Variants in DHRS3 observed in about 807,000 individuals in gnomAD.
DHRS3 encodes the protein short-chain dehydrogenase/reductase 3.
Under a neutral mutation model 27.2 loss-of-function variants are expected in DHRS3, and 14 were observed. The ratio of observed to expected loss-of-function variants is 0.52; its 90% CI spans 0.34 to 0.81. DHRS3 has a LOEUF of 0.81. Ranked by LOEUF, DHRS3 falls within the 30% of genes least tolerant of loss-of-function variation. The probability of loss-of-function intolerance (pLI) is 0.01; values close to 1 mark genes in which losing one functional copy is unlikely to be tolerated. For synonymous variants in DHRS3, 165 were observed against 175.9 expected (o/e 0.94, Z 0.49); for missense variants, 322 against 406.2 (o/e 0.79, Z 1.78).
At chr1:12,590,280 C>T (rs1646734616) in intron 1 of DHRS3, among the ~76,000 whole-genome samples, 1 of 152,132 alleles carries the variant, frequency 6.6e-6, no homozygotes, top group Admixed American at 6.5e-5. Flanking sequence ...CCCAGTCACC[C>T]AGAGTGGTGA....
rs76570349 is a variant in DHRS3 at position 12,610,903 on chromosome 1, G to A, written c.195+6251C>T. On this transcript the variant is annotated intron_variant, in intron 1 of 5. Coordinates refer to ENST00000616661, the MANE Select transcript of DHRS3 (RefSeq NM_004753.7). Reference sequence around the variant, plus strand: ...CTTTTGTCCAAGGATAAGGGAGAACGTGTAGGGTGTGGGACCCATCCCGCA... The same window carrying A: ...CTTTTGTCCAAGGATAAGGGAGAACATGTAGGGTGTGGGACCCATCCCGCA... Among the ~76,000 whole-genome samples, 536 of 152,314 alleles carry A rather than the reference G, an allele frequency of 3.5e-3. 4 individuals are homozygous for A. The highest frequency in any genetic ancestry group is 0.011 in the African/African-American group (467 of 41,568).
At chr1:12,595,055 C>A (rs1252360203) in intron 1 of DHRS3, among the ~76,000 whole-genome samples, 1 of 152,182 alleles carries the variant, frequency 6.6e-6, no homozygotes, top group Non-Finnish European at 1.5e-5. Context: ...ATCCCAGGTC[C>A]CTTCAGCTTC....
intron 1 of DHRS3, among the ~76,000 whole-genome samples, chr1:12,599,597 A>C (rs573510487): frequency 1.2e-3 from 186 of 151,326 alleles, no homozygotes; most frequent in Non-Finnish European, 2.4e-3. Flanking sequence ...ATCTCTCTCC[A>C]CTCCCTGCTC....
chr1:12,568,208 G>C lies in DHRS3; in HGVS notation c.*132C>G. 1.2e-6 allele frequency: 1 copy of C among 867,944 alleles called. No homozygotes were observed. Among genetic ancestry groups the C allele is most frequent in the Non-Finnish European group, 1.9e-6 (1 of 530,574 alleles). The allele number at this position is 867,944 out of a possible 1,614,324, so 53.8% of individuals were successfully genotyped here. A position where few individuals can be genotyped will look rare whatever the true frequency, so the allele number is the denominator to read the frequency against. On this transcript the variant is annotated 3_prime_UTR_variant, in exon 6 of 6. Coordinates refer to ENST00000616661, the MANE Select transcript of DHRS3 (RefSeq NM_004753.7). ...CCTGGGACTGGCCCAGGGGCAGCCG[G>C]ATTCTTCGCTGGGGACAGGAGCTGT...
intron 2 of DHRS3, chr1:12,580,266 C>T (rs571649566): frequency 1.5e-4 from 74 of 505,736 alleles, no homozygotes; most frequent in African/African-American, 1.0e-3. Flanking sequence ...ACATTTGCCC[C>T]GCCACAGTCC....
In DHRS3 at chr1:12,593,592, G is replaced by A. The variant is rs951780019; in HGVS notation, c.196-12926C>T. On this transcript the variant is annotated intron_variant, in intron 1 of 5. Transcript: ENST00000616661. This position sits in a 1 kb window ranked among gnomAD's most constrained non-coding sequence, Gnocchi z 4.6. ...ACCCCACAAACACCAGCTCTGATTT[G>A]ATTTACAAATCTACCCTTCTTTGAT... 1.3e-5 allele frequency among the ~76,000 whole-genome samples: 2 copies of A among 152,078 alleles called. No individual in the cohort carries two copies. The highest frequency in any genetic ancestry group is 2.9e-5 in the Non-Finnish European group (2 of 68,012).
At chr1:12,570,253 C>T (rs186817679) in intron 5 of DHRS3, among the ~76,000 whole-genome samples, 57 of 152,288 alleles carry the variant, frequency 3.7e-4, no homozygotes, top group African/African-American at 1.3e-3. Flanking sequence ...CTCGTACAAC[C>T]GGAGTTCCGA....
chr1:12,584,697 G>A (rs976638565), intron 1 of DHRS3, among the ~76,000 whole-genome samples: 1 of 152,190 alleles, frequency 6.6e-6, no homozygotes, highest in East Asian at 1.9e-4. Flanking sequence ...AAGTCTACCT[G>A]GGCGCCCCAG....
rs188699954 is a variant in DHRS3, at chr1:12,586,150, C to T, written c.196-5484G>A. On this transcript the variant is annotated intron_variant, in intron 1 of 5. Transcript: ENST00000616661. This position sits in a 1 kb window ranked among gnomAD's most constrained non-coding sequence, Gnocchi z 5.0. The stretch of plus-strand genomic sequence containing the variant: ...TGTCCTGCCCTTGCCCAGAGCTGCT[C>T]TCAAGGCGGCTATAGCCAGACAGAT... Among the ~76,000 whole-genome samples the T allele has an allele frequency of 6.6e-6, 1 of 152,326 alleles. No homozygotes were observed. Among genetic ancestry groups the T allele is most frequent in the Admixed American group, 6.5e-5 (1 of 15,302 alleles).
chr1:12,585,012 T>C (rs1265653197), intron 1 of DHRS3, among the ~76,000 whole-genome samples: 1 of 150,436 alleles, frequency 6.6e-6, no homozygotes, highest in Non-Finnish European at 1.5e-5. Context: ...TCTGTGTGCA[T>C]CTCTGTGTGT....
rs1218123406 is a variant in DHRS3 at position 12,618,188 on chromosome 1, G to A, written c.-840C>T. On this transcript the variant is annotated 5_prime_UTR_variant, in exon 1 of 6. Transcript: ENST00000616661. This position sits in a 1 kb window ranked among gnomAD's most constrained non-coding sequence, Gnocchi z 4.2. The stretch of plus-strand genomic sequence containing the variant: ...GTCCTTTCCAACTTGGAGAGGGTCC[G>A]GGTGTGGAGCGCGCGTGGATCGGAC... Among the ~76,000 whole-genome samples the A allele has an allele frequency of 6.6e-6, 1 of 152,202 alleles. No individual in the cohort carries two copies. The highest frequency in any genetic ancestry group is 2.4e-5 in the African/African-American group (1 of 41,444).
chr1:12,607,481 A>G (rs1646879278), intron 1 of DHRS3, among the ~76,000 whole-genome samples: 1 of 152,130 alleles, frequency 6.6e-6, no homozygotes, highest in Non-Finnish European at 1.5e-5. Flanking sequence ...AGTTCCTTCT[A>G]AGTTCATTCT....
chr1:12,583,323 TCATCCATCCATCCATC>T (rs533930418), intron 1 of DHRS3, among the ~76,000 whole-genome samples: 1 of 126,506 alleles, frequency 7.9e-6, no homozygotes, highest in Admixed American at 7.7e-5. Context: ...CCTACTCCAT[TCATCCATCCATCCATC>T]CATCCATCCA....
intron 1 of DHRS3, among the ~76,000 whole-genome samples, chr1:12,614,059 C>G (rs1007775657): frequency 6.6e-6 from 1 of 152,196 alleles, no homozygotes; most frequent in Admixed American, 6.5e-5. Flanking sequence ...GCATGAGCCA[C>G]TGCTCCCAGC....
In DHRS3 at chr1:12,586,434, G is replaced by A. The variant is rs1461153460; in HGVS notation, c.196-5768C>T. ...CACCCAGCCAGCCTTCTCCTGCTTC[G>A]TCTCCTCCAATGTCCACAACAGCCC... On this transcript the variant is annotated intron_variant, in intron 1 of 5. Coordinates refer to ENST00000616661, the MANE Select transcript of DHRS3 (RefSeq NM_004753.7). This position sits in a 1 kb window ranked among gnomAD's most constrained non-coding sequence, Gnocchi z 5.0. 3.3e-5 allele frequency among the ~76,000 whole-genome samples: 5 copies of A among 152,100 alleles called. No homozygotes were observed. Among genetic ancestry groups the A allele is most frequent in the Admixed American group, 2.6e-4 (4 of 15,284 alleles).
intron 1 of DHRS3, among the ~76,000 whole-genome samples, chr1:12,589,238 G>A (rs1446810928): frequency 1.3e-5 from 2 of 152,216 alleles, no homozygotes; most frequent in African/African-American, 4.8e-5. Flanking sequence ...ATTTCCAAAA[G>A]GAGAGACCCT....
chr1:12,587,141 C>CTTT lies in DHRS3; in HGVS notation c.196-6478_196-6476dup, dbSNP rs564825355. ...TGAATAAGATAATCTCAACTCTAAACTTTTTTTTTTTTTTTTTTTGAGACA... is the reference window on the plus strand; with the variant it reads ...TGAATAAGATAATCTCAACTCTAAACTTTTTTTTTTTTTTTTTTTTTTGAGACA... On this transcript the variant is annotated intron_variant, in intron 1 of 5. Coordinates refer to ENST00000616661, the MANE Select transcript of DHRS3 (RefSeq NM_004753.7). Among the ~76,000 whole-genome samples the CTTT allele has an allele frequency of 5.2e-4, 69 of 132,292 alleles. 2 individuals carry two copies. Among genetic ancestry groups the CTTT allele is most frequent in the African/African-American group, 6.1e-4 (21 of 34,534 alleles). 86.8% of individuals were successfully genotyped at this position (132,292 alleles called of 152,430 possible). A position where few individuals can be genotyped will look rare whatever the true frequency, so the allele number is the denominator to read the frequency against.
rs933580555 is a variant in DHRS3 at position 12,593,817 on chromosome 1, A to T, written c.196-13151T>A. On this transcript the variant is annotated intron_variant, in intron 1 of 5. Transcript: ENST00000616661. The surrounding 1 kb of genome is among the most constrained non-coding windows in gnomAD (Gnocchi z 4.6). ...GGACCACTCAGAAAACTCTCCAGGG[A>T]AACGATCACAAAAGCTGACTCTGGG... is the stretch of plus-strand genomic sequence containing the variant. 1.3e-5 allele frequency among the ~76,000 whole-genome samples: 2 copies of T among 152,162 alleles called. No homozygotes were observed. The highest frequency in any genetic ancestry group is 4.8e-5 in the African/African-American group (2 of 41,430).
chr1:12,606,635 A>G (rs1237773709), intron 1 of DHRS3, among the ~76,000 whole-genome samples: 2 of 151,572 alleles, frequency 1.3e-5, no homozygotes, highest in East Asian at 3.9e-4. Context: ...GATTACAGGC[A>G]TGTGCCACCA....
Sources: gnomAD v4.1 joint callset for allele counts (sites outside exome capture counted in the v4.1 genomes callset) on GRCh38, gnomAD v4.1.1 for gene constraint, Gnocchi (gnomAD v3.1) non-coding constraint, MANE v1.5 for transcripts, NCBI Gene and HGNC (gene_info 2026-07-23, HGNC 2026-07-21) for gene names.